SLC9A5: variants seen among roughly 807,000 people sequenced by gnomAD.
The protein encoded by SLC9A5 is solute carrier family 9 member A5, also known as sodium/hydrogen exchanger 5.
A neutral mutation model predicts 91.7 loss-of-function variants in SLC9A5; 52 were observed. The ratio of observed to expected loss-of-function variants is 0.57; its 90% CI spans 0.45 to 0.71. The LOEUF (loss-of-function observed/expected upper bound fraction) is 0.71, where lower values mean the gene tolerates loss of function less well. Among genes scored for constraint, SLC9A5 ranks in the 30% least tolerant of loss-of-function variants. The pLI, the probability that SLC9A5 is intolerant of heterozygous loss-of-function variation, is 0.00. For synonymous variants in SLC9A5, 419 were observed against 474.5 expected, an observed-to-expected ratio of 0.88 and a Z score of 1.52; for missense variants, 871 against 1,158.9, an observed-to-expected ratio of 0.75 and a Z score of 3.61.
At chr16:67,254,585 C>G (rs749443445) in intron 2 of SLC9A5, among the ~76,000 whole-genome samples, 1 of 152,094 alleles carries the variant, frequency 6.6e-6, no homozygotes, top group African/African-American at 2.4e-5. Flanking sequence ...TTAGTAGAGA[C>G]AGGGTTTCAC....
chr16:67,255,387 G>A lies in SLC9A5; in HGVS notation c.655-6G>A, dbSNP rs199691920. ...CCTCACTGCTGACTCTCCTCTTCTC[G>A]CTCAGGTGCTGTACAAGGTCTGCAA... is the stretch of plus-strand genomic sequence containing the variant. On this transcript the variant is annotated splice_polypyrimidine_tract_variant and splice_region_variant and intron_variant, in intron 3 of 15. Coordinates refer to ENST00000299798, the MANE Select transcript of SLC9A5 (RefSeq NM_004594.3). This position sits in a 1 kb window ranked among gnomAD's most constrained non-coding sequence, Gnocchi z 4.9. 7.5e-6 allele frequency: 12 copies of A among 1,608,598 alleles called. No individual in the cohort carries two copies. The highest frequency in any genetic ancestry group is 1.0e-5 in the Non-Finnish European group (12 of 1,175,558).
Position 67,257,459 on chromosome 16 carries a change from G to T in SLC9A5, c.1425+25G>T, listed in dbSNP as rs766884548. On this transcript the variant is annotated intron_variant, in intron 8 of 15. Coordinates refer to ENST00000299798, the MANE Select transcript of SLC9A5 (RefSeq NM_004594.3). This position sits in a 1 kb window ranked among gnomAD's most constrained non-coding sequence, Gnocchi z 5.1. ...CGTGGGTATCAGAACCCCAGCCCTC[G>T]CCTGTCCCTCTCGACCTTCTCCTAT... 3 of 1,613,376 alleles carry T rather than the reference G, an allele frequency of 1.9e-6. No homozygotes were observed. The Admixed American group carries it at 5.0e-5, about 27-fold the overall frequency.
At chr16:67,267,085 T>C (rs1214740235) in intron 15 of SLC9A5, among the ~76,000 whole-genome samples, 1 of 144,018 alleles carries the variant, frequency 6.9e-6, no homozygotes, top group African/African-American at 2.6e-5. Context: ...GCTGTTGTTT[T>C]TTTTTTTTTT....
At chr16:67,259,483 GTGTTCGTTA>G in intron 10 of SLC9A5, 81 bp from the exon 11 acceptor site, 1 of 884,426 alleles carries the variant, frequency 1.1e-6, no homozygotes, top group South Asian at 1.4e-5. Flanking sequence ...AGTAAACTAA[GTGTTCGTTA>G]TTATTATTTT....
chr16:67,264,977 A>G, intron 13 of SLC9A5, 63 bp from the exon 14 acceptor site: 1 of 1,521,388 alleles, frequency 6.6e-7, no homozygotes, highest in East Asian at 2.3e-5. Flanking sequence ...TGACCCCACC[A>G]GATGACAGGG....
Position 67,256,416 on chromosome 16 carries a change from C to A in SLC9A5, c.912-53C>A. The A allele has an allele frequency of 7.8e-7, 1 of 1,290,070 alleles. No homozygotes were observed. Among genetic ancestry groups the A allele is most frequent in the Non-Finnish European group, 1.1e-6 (1 of 897,598 alleles). 79.9% of individuals were successfully genotyped at this position (1,290,070 alleles called of 1,614,324 possible). A position where few individuals can be genotyped will look rare whatever the true frequency, so the allele number is the denominator to read the frequency against. On this transcript the variant is annotated intron_variant, in intron 5 of 15. Coordinates refer to ENST00000299798, the MANE Select transcript of SLC9A5 (RefSeq NM_004594.3). The surrounding 1 kb of genome is among the most constrained non-coding windows in gnomAD (Gnocchi z 4.1). The stretch of plus-strand genomic sequence containing the variant: ...CTGCAGTATGCTCAAACCCTGGAGG[C>A]TGAGCCCCCTGGAACCCTTCCCCAC...
chr16:67,266,469 T>C (rs375838430), intron 15 of SLC9A5, among the ~76,000 whole-genome samples: 1 of 152,216 alleles, frequency 6.6e-6, no homozygotes, highest in African/African-American at 2.4e-5. Context: ...CAGCATCACA[T>C]AGTAGAACCA....
chr16:67,266,356 C>G (rs1447687043), intron 15 of SLC9A5, 131 bp downstream of exon 15: 3 of 917,066 alleles, frequency 3.3e-6, no homozygotes, highest in African/African-American at 1.7e-5. Flanking sequence ...ATTTGCAGAG[C>G]CTCTTCTTCA....
In SLC9A5 at chr16:67,257,729, C is replaced by G; in HGVS notation, c.1496+128C>G. On this transcript the variant is annotated intron_variant, in intron 9 of 15. Coordinates refer to ENST00000299798, the MANE Select transcript of SLC9A5 (RefSeq NM_004594.3). The surrounding 1 kb of genome is among the most constrained non-coding windows in gnomAD (Gnocchi z 5.1). ...GGCTGGGTGACCTCTGCCTGAAGCC[C>G]TTCAGTGGCATCCCAGTGCTCTCAG... 1 of 904,762 alleles carries G rather than the reference C, an allele frequency of 1.1e-6. No homozygotes were observed. The highest frequency in any genetic ancestry group is 2.6e-5 in the East Asian group (1 of 39,146). The allele number at this position is 904,762 out of a possible 1,614,324, so 56.0% of individuals were successfully genotyped here. A position where few individuals can be genotyped will look rare whatever the true frequency, so the allele number is the denominator to read the frequency against.
In SLC9A5 at chr16:67,258,486, G is replaced by A. The variant is rs2035402043; in HGVS notation, c.1626+39G>A. 2 of 1,612,910 alleles carry A rather than the reference G, an allele frequency of 1.2e-6. No homozygotes were observed. Among genetic ancestry groups the A allele is most frequent in the African/African-American group, 1.3e-5 (1 of 74,912 alleles). ...TTCCAGGTGGGCCAGTGGTGGGTGG[G>A]CAGATGGTCAGCAGAGCAGGACAGA... On this transcript the variant is annotated intron_variant, in intron 10 of 15. Transcript: ENST00000299798. This position sits in a 1 kb window ranked among gnomAD's most constrained non-coding sequence, Gnocchi z 4.5.
chr16:67,270,278 C>T lies in SLC9A5; in HGVS notation c.2219-460C>T, dbSNP rs925637871. 2.0e-5 allele frequency among the ~76,000 whole-genome samples: 3 copies of T among 152,238 alleles called. No individual in the cohort carries two copies. Among genetic ancestry groups the T allele is most frequent in the Non-Finnish European group, 2.9e-5 (2 of 68,028 alleles). On this transcript the variant is annotated intron_variant, in intron 15 of 15. Transcript: ENST00000299798. This position sits in a 1 kb window ranked among gnomAD's most constrained non-coding sequence, Gnocchi z 4.3. ...TCGGCTCATTGCAACCTCTGCCTCC[C>T]GGGTTCAAGTGATTCTCTTGCCTCA...
chr16:67,262,580 G>A (rs1238028933), intron 12 of SLC9A5: 1 of 279,690 alleles, frequency 3.6e-6, no homozygotes, highest in African/African-American at 2.2e-5. Flanking sequence ...TTCTTACTAA[G>A]TTCCCCAGGT....
intron 12 of SLC9A5, among the ~76,000 whole-genome samples, chr16:67,260,936 T>A (rs998639610): frequency 6.6e-6 from 1 of 152,226 alleles, no homozygotes. Flanking sequence ...AAGCTCTTTC[T>A]ACTGTTGAAA....
chr16:67,266,013 C>G, intron 14 of SLC9A5, 75 bp from the exon 15 acceptor site: 1 of 1,569,458 alleles, frequency 6.4e-7, no homozygotes, highest in African/African-American at 1.4e-5. Flanking sequence ...AGACAGGGAG[C>G]TGGCTTGGGG....
At chr16:67,263,506 C>G (rs1378592359) in intron 12 of SLC9A5, 1 of 152,466 alleles carries the variant, frequency 6.6e-6, no homozygotes, top group African/African-American at 2.4e-5. Context: ...AGAGCATGGC[C>G]AGGCGCAGTG....
intron 1 of SLC9A5, among the ~76,000 whole-genome samples, chr16:67,250,394 T>A (rs2035070025): frequency 6.6e-6 from 1 of 152,050 alleles, no homozygotes; most frequent in African/African-American, 2.4e-5. Context: ...TATGGAGAGA[T>A]CTATGACCAT....
rs1353339090 is a variant in SLC9A5 at position 67,271,976 on chromosome 16, G to C, written c.*766G>C. The C allele has an allele frequency of 6.6e-6, 1 of 152,154 alleles. No homozygotes were observed. The highest frequency in any genetic ancestry group is 1.5e-5 in the Non-Finnish European group (1 of 68,046). The allele number at this position is 152,154 out of a possible 1,614,324, so 9.4% of individuals were successfully genotyped here. On this transcript the variant is annotated 3_prime_UTR_variant, in exon 16 of 16. Transcript: ENST00000299798. ...CCTTGGGTCTGGGTTTTTTGAGGAG[G>C]GGACATAGTGGCCTCTGGGCTGCCA...
intron 15 of SLC9A5, among the ~76,000 whole-genome samples, chr16:67,269,685 A>C (rs925399156): frequency 6.6e-6 from 1 of 152,156 alleles, no homozygotes; most frequent in Admixed American, 6.6e-5. Flanking sequence ...CATTTCACAC[A>C]TGTACTCAAA....
At chr16:67,265,280 A>C in intron 14 of SLC9A5, 174 bp downstream of exon 14, 1 of 619,530 alleles carries the variant, frequency 1.6e-6, no homozygotes, top group Non-Finnish European at 2.9e-6. Context: ...TTATTAGACA[A>C]TGCGTGACAG....
Sources: allele counts gnomAD v4.1 joint callset (sites outside exome capture counted in the v4.1 genomes callset), GRCh38; gene constraint gnomAD v4.1.1; non-coding constraint Gnocchi (gnomAD v3.1); transcripts MANE v1.5; gene names NCBI Gene and HGNC (gene_info 2026-07-23, HGNC 2026-07-21).